Variants in CNNM2 observed in about 807,000 individuals in gnomAD.
The protein encoded by CNNM2 is metal transporter CNNM2.
CNNM2 carries 12 observed loss-of-function variants against 66.9 expected under a neutral mutation model. That is an observed-to-expected ratio of 0.18 (90% CI 0.11 to 0.29). The LOEUF (loss-of-function observed/expected upper bound fraction) is 0.29, where lower values mean the gene tolerates loss of function less well. Ranked by LOEUF, CNNM2 falls within the 10% of genes least tolerant of loss-of-function variation. The pLI is 1.00. For missense variants in CNNM2, 705 were observed against 1,167.7 expected (o/e 0.60, Z 5.77); for synonymous variants, 557 against 501.8 (o/e 1.11, Z -1.47).
At chr10:103,071,752 C>A in intron 5 of CNNM2, 22 bp from the exon 6 acceptor site, 1 of 1,606,726 alleles carries the variant, frequency 6.2e-7, no homozygotes, top group Non-Finnish European at 8.5e-7. Flanking sequence ...GCGATCTCAC[C>A]CTGTTTTTCT....
Position 103,002,479 on chromosome 10 carries a change from C to CT in CNNM2, c.1622-47211dup, listed in dbSNP as rs34131768. Among the ~76,000 whole-genome samples the CT allele has an allele frequency of 0.09, 12,188 of 136,166 alleles. 935 individuals carry two copies. The highest frequency in any genetic ancestry group is 0.35 in the East Asian group (1,654 of 4,738). The allele number at this position is 136,166 out of a possible 152,430, so 89.3% of individuals were successfully genotyped here. ...AGGATGTGGCTGACAAGACTGGAAT[C>CT]TTTTTTTTTTTTTTTTTGAGACAGA... On this transcript the variant is annotated intron_variant, in intron 1 of 7. Transcript: ENST00000369878.
At position 103,032,685 on chromosome 10, in the gene CNNM2, A is replaced by G. The variant is rs61870848; in HGVS notation, c.1622-17022A>G. 1.8e-4 allele frequency among the ~76,000 whole-genome samples: 24 copies of G among 132,578 alleles called. No homozygotes were observed. The East Asian group carries it at 4.5e-3, about 25-fold the overall frequency. The allele number at this position is 132,578 out of a possible 152,430, so 87.0% of individuals were successfully genotyped here. A position where few individuals can be genotyped will look rare whatever the true frequency, so the allele number is the denominator to read the frequency against. On this transcript the variant is annotated intron_variant, in intron 1 of 7. Transcript: ENST00000369878. The stretch of plus-strand genomic sequence containing the variant: ...TCTTTTTTTTTTTTTTTTTTTTTAA[A>G]TAGCTGCATAGCATTCTATTGCTGA...
At chr10:103,001,788 G>A (rs2064127062) in intron 1 of CNNM2, among the ~76,000 whole-genome samples, 1 of 152,054 alleles carries the variant, frequency 6.6e-6, no homozygotes, top group African/African-American at 2.4e-5. Context: ...TGGATCATTT[G>A]AGGTCAGGAG....
intron 4 of CNNM2, among the ~76,000 whole-genome samples, chr10:103,061,970 C>G (rs2065393617): frequency 6.6e-6 from 1 of 152,112 alleles, no homozygotes; most frequent in Non-Finnish European, 1.5e-5. Context: ...AAATTTTTAA[C>G]TGAATGGTAG....
At chr10:102,960,181 C>T (rs568138280) in intron 1 of CNNM2, among the ~76,000 whole-genome samples, 11 of 152,274 alleles carry the variant, frequency 7.2e-5, no homozygotes, top group South Asian at 6.2e-4. Context: ...ACGCATGCTA[C>T]GTGCCCAGGA....
rs1317754903 is a variant in CNNM2 at position 103,084,041 on chromosome 10, T to G, written c.*6861T>G. The G allele has an allele frequency of 6.6e-6, 1 of 152,264 alleles. No homozygotes were observed. The highest frequency in any genetic ancestry group is 1.9e-4 in the East Asian group (1 of 5,198). 9.4% of individuals were successfully genotyped at this position (152,264 alleles called of 1,614,324 possible). A position where few individuals can be genotyped will look rare whatever the true frequency, so the allele number is the denominator to read the frequency against. On this transcript the variant is annotated 3_prime_UTR_variant, in exon 8 of 8. Coordinates refer to ENST00000369878, the MANE Select transcript of CNNM2 (RefSeq NM_017649.5). ...TCTTTTCCATCACTACTTTGTCTTC[T>G]GTTCCTTCTTACCCTCATCACTCAC...
In CNNM2 at chr10:103,089,933, CAGAA is replaced by C. The variant is rs1484958018; in HGVS notation, c.*12756_*12759del. On this transcript the variant is annotated 3_prime_UTR_variant, in exon 8 of 8. Transcript: ENST00000369878. ...TCTAGACAGAAAAAAGCTAGAGGCT[CAGAA>C]AGCAGGCAGAGCAAAGTAGCTACTC... The C allele has an allele frequency of 2.6e-6, 4 of 1,558,184 alleles. No homozygotes were observed. In the South Asian group the frequency reaches 3.6e-5, roughly 14 times the overall value.
chr10:103,087,289 G>GACTTC lies in CNNM2; in HGVS notation c.*10110_*10114dup, dbSNP rs2065834222. ...CTGCCCTGCCTACCCATGGACCATT[G>GACTTC]ACTTCCCAGCACACTCTTAAGAATA... On this transcript the variant is annotated 3_prime_UTR_variant, in exon 8 of 8. Coordinates refer to ENST00000369878, the MANE Select transcript of CNNM2 (RefSeq NM_017649.5). 6.6e-6 allele frequency: 1 copy of GACTTC among 151,188 alleles called. No individual in the cohort carries two copies. Among genetic ancestry groups the GACTTC allele is most frequent in the African/African-American group, 2.4e-5 (1 of 41,106 alleles). 9.4% of individuals were successfully genotyped at this position (151,188 alleles called of 1,614,324 possible).
chr10:103,075,143 C>T (rs1455923515), intron 6 of CNNM2, among the ~76,000 whole-genome samples: 2 of 152,184 alleles, frequency 1.3e-5, no homozygotes, highest in African/African-American at 4.8e-5. Flanking sequence ...CAGGTGCAGC[C>T]AAGGGCCAGC....
chr10:103,051,763 G>T (rs1416421643), intron 2 of CNNM2, among the ~76,000 whole-genome samples: 1 of 151,902 alleles, frequency 6.6e-6, no homozygotes, highest in South Asian at 2.1e-4. Flanking sequence ...AACTGAGAAA[G>T]TCTTCCCTGT....
At chr10:102,941,717 C>G (rs895699757) in intron 1 of CNNM2, among the ~76,000 whole-genome samples, 5 of 152,206 alleles carry the variant, frequency 3.3e-5, no homozygotes, top group Non-Finnish European at 7.3e-5. Context: ...GGCAGTCTTA[C>G]GATTCCAGCC....
chr10:102,944,042 T>C (rs1846521170), intron 1 of CNNM2, among the ~76,000 whole-genome samples: 1 of 152,096 alleles, frequency 6.6e-6, no homozygotes, highest in Admixed American at 6.6e-5. Context: ...AACCTCACAT[T>C]TCTTAATTCT....
At chr10:103,060,560 TA>T (rs2065367982) in intron 4 of CNNM2, among the ~76,000 whole-genome samples, 1 of 151,966 alleles carries the variant, frequency 6.6e-6, no homozygotes, top group Admixed American at 6.6e-5. Context: ...CAAAATAAGA[TA>T]AATTTAAAAA....
rs1308223436 is a variant in CNNM2, at chr10:102,954,926, T to G, written c.1621+34825T>G. On this transcript the variant is annotated intron_variant, in intron 1 of 7. Coordinates refer to ENST00000369878, the MANE Select transcript of CNNM2 (RefSeq NM_017649.5). ...ATTCCATGCTCATGGATAGGAAGAA[T>G]CAATATCGTGAAAATGGCGATACTG... 2.6e-5 allele frequency among the ~76,000 whole-genome samples: 4 copies of G among 152,106 alleles called. No homozygotes were observed. The East Asian group carries it at 7.7e-4, about 29-fold the overall frequency.
chr10:103,069,290 T>C (rs1293598517), intron 5 of CNNM2, among the ~76,000 whole-genome samples: 1 of 152,200 alleles, frequency 6.6e-6, no homozygotes, highest in Non-Finnish European at 1.5e-5. Flanking sequence ...TTCTTATACA[T>C]GTCTTTGGGT....
At chr10:102,929,196 G>A (rs1427964330) in intron 1 of CNNM2, among the ~76,000 whole-genome samples, 1 of 152,118 alleles carries the variant, frequency 6.6e-6, no homozygotes, top group Non-Finnish European at 1.5e-5. Flanking sequence ...GGGGGCTGAG[G>A]TTGCAGTGAG....
At chr10:103,056,715 A>G (rs2065302600) in intron 3 of CNNM2, 80 bp from the exon 4 acceptor site, 1 of 1,332,538 alleles carries the variant, frequency 7.5e-7, no homozygotes, top group African/African-American at 1.5e-5. Context: ...ATTCTTATCT[A>G]AACACCTCAA....
chr10:102,989,498 T>A (rs1199982211), intron 1 of CNNM2, among the ~76,000 whole-genome samples: 4 of 150,108 alleles, frequency 2.7e-5, no homozygotes, highest in African/African-American at 7.3e-5. Flanking sequence ...AAAAAAAAAA[T>A]GGTACATTTA....
chr10:103,073,475 A>C (rs1291703022), intron 6 of CNNM2, among the ~76,000 whole-genome samples: 1 of 152,148 alleles, frequency 6.6e-6, no homozygotes, highest in Non-Finnish European at 1.5e-5. Flanking sequence ...AAAAGGACTA[A>C]TCTGTCACCC....
Sources: allele counts gnomAD v4.1 joint callset (sites outside exome capture counted in the v4.1 genomes callset), GRCh38; gene constraint gnomAD v4.1.1; transcripts MANE v1.5; gene names NCBI Gene and HGNC (gene_info 2026-07-23, HGNC 2026-07-21).